The following PDE1C variants were observed in gnomAD, a reference collection of about 807,000 sequenced individuals.
The protein encoded by PDE1C is phosphodiesterase 1C.
Under a neutral mutation model 93.1 loss-of-function variants are expected in PDE1C, and 62 were observed. That is an observed-to-expected ratio of 0.67 (90% CI 0.54 to 0.82). The LOEUF (loss-of-function observed/expected upper bound fraction) is 0.82, where lower values mean the gene tolerates loss of function less well. PDE1C is among the 40% of genes least tolerant of loss of function. The pLI is 0.00. For synonymous variants in PDE1C, 325 were observed against 310.1 expected, an observed-to-expected ratio of 1.05 and a Z score of -0.50; for missense variants, 742 against 884.6, an observed-to-expected ratio of 0.84 and a Z score of 2.04.
chr7:31,950,616 T>C (rs933706901), intron 2 of PDE1C, among the ~76,000 whole-genome samples: 6 of 152,218 alleles, frequency 3.9e-5, no homozygotes, highest in African/African-American at 1.4e-4. Flanking sequence ...CTCTTAGTCA[T>C]TATATGTCTG....
intron 2 of PDE1C, among the ~76,000 whole-genome samples, chr7:32,012,854 C>G (rs1787339652): frequency 6.6e-6 from 1 of 152,140 alleles, no homozygotes; most frequent in Admixed American, 6.5e-5. Flanking sequence ...TTATCTTAAG[C>G]AAGTTATCTT....
chr7:31,937,500 G>A (rs371928409), intron 2 of PDE1C, among the ~76,000 whole-genome samples: 38 of 152,202 alleles, frequency 2.5e-4, no homozygotes, highest in Middle Eastern at 3.4e-3. Flanking sequence ...GCATGTCCTG[G>A]TGCTCCCTTC....
At chr7:31,644,584 C>T in the PDE1C span, among the ~76,000 whole-genome samples, 14 of 152,278 alleles carry the variant, frequency 9.2e-5, no homozygotes, top group African/African-American at 3.4e-4. Flanking sequence ...GGCTTTTGGT[C>T]TACCTTTGCT....
At chr7:32,393,208 A>G (rs1784783975) in intron 1 of PDE1C, among the ~76,000 whole-genome samples, 1 of 152,140 alleles carries the variant, frequency 6.6e-6, no homozygotes, top group Non-Finnish European at 1.5e-5. Flanking sequence ...AGGCAAGGAT[A>G]TCCACTCTCA....
At chr7:32,051,509 G>A (rs752066674) in intron 2 of PDE1C, 45 bp downstream of exon 2, 2 of 1,598,620 alleles carry the variant, frequency 1.3e-6, no homozygotes, top group South Asian at 2.2e-5. Flanking sequence ...GAAGAGCTGG[G>A]CCACAAATGA....
At chr7:32,233,881 G>C (rs1353644228) in intron 1 of PDE1C, among the ~76,000 whole-genome samples, 1 of 152,030 alleles carries the variant, frequency 6.6e-6, no homozygotes, top group Non-Finnish European at 1.5e-5. Context: ...CATTCATCAC[G>C]ATAGACTAAA....
chr7:31,710,365 C>A, the PDE1C span, among the ~76,000 whole-genome samples: 1 of 152,160 alleles, frequency 6.6e-6, no homozygotes, highest in Non-Finnish European at 1.5e-5. Flanking sequence ...CACACAAAGC[C>A]TTTCTTTAAA....
At chr7:32,011,394 G>T (rs982990970) in intron 2 of PDE1C, among the ~76,000 whole-genome samples, 1 of 151,890 alleles carries the variant, frequency 6.6e-6, no homozygotes, top group Non-Finnish European at 1.5e-5. Flanking sequence ...GGGTTTTGCC[G>T]TGTTAGCCAG....
chr7:31,622,309 T>C, the PDE1C span, among the ~76,000 whole-genome samples: 1 of 152,032 alleles, frequency 6.6e-6, no homozygotes, highest in African/African-American at 2.4e-5. Flanking sequence ...TACATTTTTT[T>C]TTCAGCACCA....
chr7:31,732,638 CTGTG>C, the PDE1C span, among the ~76,000 whole-genome samples: 127 of 144,308 alleles, frequency 8.8e-4, no homozygotes, highest in African/African-American at 3.0e-3. Context: ...TCCTCTCTTT[CTGTG>C]TGTGTGTGTG....
chr7:32,278,496 T>C (rs1333127393), intron 1 of PDE1C, among the ~76,000 whole-genome samples: 1 of 152,172 alleles, frequency 6.6e-6, no homozygotes, highest in Non-Finnish European at 1.5e-5. Flanking sequence ...AAAAATCCAT[T>C]AGAAGAGATT....
chr7:32,177,577 T>G (rs1803098719), intron 2 of PDE1C, among the ~76,000 whole-genome samples: 1 of 152,132 alleles, frequency 6.6e-6, no homozygotes, highest in Non-Finnish European at 1.5e-5. Flanking sequence ...AGAGCTTTTG[T>G]GTTCCTGGCC....
intron 2 of PDE1C, among the ~76,000 whole-genome samples, chr7:32,027,667 A>G: frequency 6.9e-6 from 1 of 144,534 alleles, no homozygotes; most frequent in South Asian, 2.2e-4. Flanking sequence ...AGAAATTTTT[A>G]TCAATCAAAA....
chr7:32,311,251 G>T (rs185058357), intron 1 of PDE1C, among the ~76,000 whole-genome samples: 1 of 152,272 alleles, frequency 6.6e-6, no homozygotes, highest in Non-Finnish European at 1.5e-5. Flanking sequence ...TGAAATTGTG[G>T]CAATAATCAA....
the PDE1C span, among the ~76,000 whole-genome samples, chr7:31,704,025 A>G: frequency 6.6e-6 from 1 of 152,234 alleles, no homozygotes; most frequent in Non-Finnish European, 1.5e-5. Flanking sequence ...CTTAAGAGTG[A>G]AAAGAAGTCT....
chr7:32,333,792 A>G (rs978393012), intron 1 of PDE1C, among the ~76,000 whole-genome samples: 2 of 152,228 alleles, frequency 1.3e-5, no homozygotes, highest in African/African-American at 4.8e-5. Flanking sequence ...AGACGGTTGC[A>G]GCAATGTAGC....
At chr7:31,919,372 T>C (rs1230929104) in intron 2 of PDE1C, among the ~76,000 whole-genome samples, 1 of 152,002 alleles carries the variant, frequency 6.6e-6, no homozygotes, top group Admixed American at 6.6e-5. Flanking sequence ...TATCTGAAAA[T>C]GGGAGTGATA....
the PDE1C span, among the ~76,000 whole-genome samples, chr7:31,618,324 G>C: frequency 6.7e-6 from 1 of 149,206 alleles, no homozygotes; most frequent in African/African-American, 2.5e-5. Flanking sequence ...AAAATCCAAA[G>C]GGGGCAAATT....
intron 7 of PDE1C, among the ~76,000 whole-genome samples, chr7:31,862,912 G>A (rs1794850423): frequency 6.6e-6 from 1 of 152,154 alleles, no homozygotes; most frequent in Non-Finnish European, 1.5e-5. Flanking sequence ...AAGAGAGTAA[G>A]AACTATTCCC....
Sources: allele counts gnomAD v4.1 joint callset (sites outside exome capture counted in the v4.1 genomes callset), GRCh38; gene constraint gnomAD v4.1.1; transcripts MANE v1.5; gene names NCBI Gene and HGNC (gene_info 2026-07-23, HGNC 2026-07-21).